ZC3H14: variants seen among roughly 807,000 people sequenced by gnomAD.
ZC3H14 encodes the protein zinc finger CCCH domain-containing protein 14.
A neutral mutation model predicts 92.4 loss-of-function variants in ZC3H14; 31 were observed. The observed-to-expected ratio is 0.34, with a 90% CI of 0.25 to 0.45. The LOEUF is 0.45. Among genes scored for constraint, ZC3H14 ranks in the 20% least tolerant of loss-of-function variants. The pLI, the probability that ZC3H14 is intolerant of heterozygous loss-of-function variation, is 1.00. For missense variants in ZC3H14, 781 were observed against 897.3 expected, an observed-to-expected ratio of 0.87 and a Z score of 1.66; for synonymous variants, 321 against 300.9, an observed-to-expected ratio of 1.07 and a Z score of -0.69.
At chr14:88,566,658 G>A (rs1438355570) in intron 2 of ZC3H14, among the ~76,000 whole-genome samples, 25 of 152,208 alleles carry the variant, frequency 1.6e-4, no homozygotes, top group Admixed American at 1.3e-3. Context: ...GGTGGTTCAC[G>A]CCTGTAATCA....
At chr14:88,607,481 A>G (rs2140118249) in intron 13 of ZC3H14, 118 bp downstream of exon 13, 2 of 934,290 alleles carry the variant, frequency 2.1e-6, no homozygotes, top group Non-Finnish European at 3.2e-6. Context: ...AGCAAGTACC[A>G]TCCCCCACAT....
rs144400343 is a variant in ZC3H14 at position 88,596,443 on chromosome 14, G to A, written c.1280-291G>A. Among the ~76,000 whole-genome samples the A allele has an allele frequency of 4.5e-3, 690 of 152,202 alleles. 2 individuals are homozygous for A. The highest frequency in any genetic ancestry group is 7.8e-3 in the Non-Finnish European group (529 of 68,008). ...GTGCCTTTTCCTGGATTTTCCACCC[G>A]TTTGCCACCTTTACTTTCCCCGCAG... On this transcript the variant is annotated intron_variant, in intron 9 of 16. Coordinates refer to ENST00000251038, the MANE Select transcript of ZC3H14 (RefSeq NM_024824.5).
rs935318375 is a variant in ZC3H14, at chr14:88,615,342, T to C, written c.*3591T>C. 1.3e-5 allele frequency: 2 copies of C among 152,660 alleles called. No homozygotes were observed. The highest frequency in any genetic ancestry group is 4.8e-5 in the African/African-American group (2 of 41,466). The allele number at this position is 152,660 out of a possible 1,614,324, so 9.5% of individuals were successfully genotyped here. A position where few individuals can be genotyped will look rare whatever the true frequency, so the allele number is the denominator to read the frequency against. ...TTGCCTTTTAAAAACTGTGATCCTTTAGGATGATCATGACTTTCCCTTTCC... is the reference window on the plus strand; with the variant it reads ...TTGCCTTTTAAAAACTGTGATCCTTCAGGATGATCATGACTTTCCCTTTCC... On this transcript the variant is annotated 3_prime_UTR_variant, in exon 17 of 17. Transcript: ENST00000251038.
chr14:88,588,065 T>G (rs979935950), intron 9 of ZC3H14, among the ~76,000 whole-genome samples: 4 of 152,168 alleles, frequency 2.6e-5, no homozygotes, highest in African/African-American at 9.7e-5. Flanking sequence ...TCCCTTAGGT[T>G]CTTCTTTTTT....
At position 88,613,555 on chromosome 14, in the gene ZC3H14, A is replaced by C. The variant is rs988876156; in HGVS notation, c.*1804A>C. 1 of 152,136 alleles carries C rather than the reference A, an allele frequency of 6.6e-6. No individual in the cohort carries two copies. The highest frequency in any genetic ancestry group is 2.4e-5 in the African/African-American group (1 of 41,426). 9.4% of individuals were successfully genotyped at this position (152,136 alleles called of 1,614,324 possible). ...GCCACTGCCCAGACACATATTTAAG[A>C]GTTTAATCTTTCAGTTGCTATGGCT... On this transcript the variant is annotated 3_prime_UTR_variant, in exon 17 of 17. Coordinates refer to ENST00000251038, the MANE Select transcript of ZC3H14 (RefSeq NM_024824.5).
At chr14:88,589,696 C>CT (rs1324814351) in intron 9 of ZC3H14, 1 of 152,354 alleles carries the variant, frequency 6.6e-6, no homozygotes, top group Non-Finnish European at 1.5e-5. Flanking sequence ...TGTTGCCATT[C>CT]TTTTTTTCTC....
chr14:88,577,061 C>CT (rs1249586374), intron 8 of ZC3H14, among the ~76,000 whole-genome samples: 1 of 152,102 alleles, frequency 6.6e-6, no homozygotes, highest in Non-Finnish European at 1.5e-5. Context: ...TCCCAAAATG[C>CT]TGGGATTACA....
intron 6 of ZC3H14, chr14:88,574,436 G>T (rs184499138): frequency 4.0e-4 from 163 of 404,380 alleles, no homozygotes; most frequent in Non-Finnish European, 6.8e-4. Flanking sequence ...ATAGAGACAG[G>T]GTTTCACCAT....
chr14:88,606,715 TC>T (rs2085461032), intron 12 of ZC3H14, among the ~76,000 whole-genome samples: 1 of 129,898 alleles, frequency 7.7e-6, no homozygotes, highest in Non-Finnish European at 1.5e-5. Context: ...ACCACTGTAC[TC>T]CATCCTGGGT....
rs541955160 is a variant in ZC3H14, at chr14:88,627,576, T to C, written c.*15825T>C. The stretch of plus-strand genomic sequence containing the variant: ...TCAACCACCAACTTTAAGACAAATA[T>C]TAAATACAGAATTCCTACTACCTTT... On this transcript the variant is annotated 3_prime_UTR_variant, in exon 17 of 17. Coordinates refer to ENST00000251038, the MANE Select transcript of ZC3H14 (RefSeq NM_024824.5). The C allele has an allele frequency of 2.7e-5, 40 of 1,455,478 alleles. No individual in the cohort carries two copies. The East Asian group carries it at 8.8e-4, about 32-fold the overall frequency. 90.2% of individuals were successfully genotyped at this position (1,455,478 alleles called of 1,614,324 possible).
chr14:88,574,663 T>G lies in ZC3H14; in HGVS notation c.862-30T>G, dbSNP rs375584117. The G allele has an allele frequency of 1.8e-4, 293 of 1,613,580 alleles. 1 individual carries two copies. The highest frequency in any genetic ancestry group is 2.4e-4 in the Non-Finnish European group (284 of 1,179,712). On this transcript the variant is annotated intron_variant, in intron 6 of 16. Transcript: ENST00000251038. ...TAGAACTCTTGTTATTTTCTGAGATTAGGTAAGCATAAATTTTATCTGATT... is the reference window on the plus strand; with the variant it reads ...TAGAACTCTTGTTATTTTCTGAGATGAGGTAAGCATAAATTTTATCTGATT...
chr14:88,620,787 T>C lies in ZC3H14; in HGVS notation c.*9036T>C. 1 of 1,606,022 alleles carries C rather than the reference T, an allele frequency of 6.2e-7. No homozygotes were observed. Among genetic ancestry groups the C allele is most frequent in the African/African-American group, 1.3e-5 (1 of 74,500 alleles). On this transcript the variant is annotated 3_prime_UTR_variant, in exon 17 of 17. Transcript: ENST00000251038. The surrounding 1 kb of genome is among the most constrained non-coding windows in gnomAD (Gnocchi z 4.3). ...ATGGATTGCACATCTCCTGTCTCTCTTCTTTCCCCATATTTTTAGAGAACT... is the reference window on the plus strand; with the variant it reads ...ATGGATTGCACATCTCCTGTCTCTCCTCTTTCCCCATATTTTTAGAGAACT...
In ZC3H14 at chr14:88,622,757, G is replaced by A; in HGVS notation, c.*11006G>A. On this transcript the variant is annotated 3_prime_UTR_variant, in exon 17 of 17. Coordinates refer to ENST00000251038, the MANE Select transcript of ZC3H14 (RefSeq NM_024824.5). ...CAAGCCAGAGTAAGTGTTCATTATT[G>A]GCTACTATAATTTTTATTATAAACA... is the stretch of plus-strand genomic sequence containing the variant. 7.0e-7 allele frequency: 1 copy of A among 1,425,018 alleles called. No homozygotes were observed. The highest frequency in any genetic ancestry group is 9.5e-7 in the Non-Finnish European group (1 of 1,051,378). 88.3% of individuals were successfully genotyped at this position (1,425,018 alleles called of 1,614,324 possible).
At chr14:88,607,586 C>T (rs1381321151) in intron 13 of ZC3H14, among the ~76,000 whole-genome samples, 3 of 140,056 alleles carry the variant, frequency 2.1e-5, no homozygotes, top group Non-Finnish European at 3.1e-5. Context: ...CTGCAAGTAC[C>T]ATCTCCCCAT....
In ZC3H14 at chr14:88,626,828, A is replaced by G. The variant is rs2090004175; in HGVS notation, c.*15077A>G. 1.9e-6 allele frequency: 3 copies of G among 1,613,214 alleles called. No individual in the cohort carries two copies. The highest frequency in any genetic ancestry group is 1.7e-5 in the Admixed American group (1 of 59,954). On this transcript the variant is annotated 3_prime_UTR_variant, in exon 17 of 17. Coordinates refer to ENST00000251038, the MANE Select transcript of ZC3H14 (RefSeq NM_024824.5). The stretch of plus-strand genomic sequence containing the variant: ...TCAAAGTCACACTATGTGCATTTTA[A>G]GAGACATACTGCACCAAATGCAATA...
intron 16 of ZC3H14, 104 bp from the exon 17 acceptor site, chr14:88,611,641 C>T: frequency 1.8e-5 from 24 of 1,351,350 alleles, no homozygotes; most frequent in South Asian, 3.9e-5. Flanking sequence ...ATCTTATGAC[C>T]AAATATTTAT....
chr14:88,574,934 A>C, intron 7 of ZC3H14, 81 bp downstream of exon 7: 1 of 1,600,360 alleles, frequency 6.2e-7, no homozygotes, highest in Non-Finnish European at 8.5e-7. Context: ...TAATCACGAA[A>C]ATAATTTTTG....
rs1362495126 is a variant in ZC3H14 at position 88,621,737 on chromosome 14, C to A, written c.*9986C>A. 1 of 343,618 alleles carries A rather than the reference C, an allele frequency of 2.9e-6. No individual in the cohort carries two copies. The highest frequency in any genetic ancestry group is 2.4e-5 in the South Asian group (1 of 41,814). The allele number at this position is 343,618 out of a possible 1,614,324, so 21.3% of individuals were successfully genotyped here. On this transcript the variant is annotated 3_prime_UTR_variant, in exon 17 of 17. Coordinates refer to ENST00000251038, the MANE Select transcript of ZC3H14 (RefSeq NM_024824.5). ...GATTTATAAATACACTTAATAAGTA[C>A]AAACACGCTCAAAAATTTTCATAGG...
chr14:88,597,572 CT>C (rs2084015380), intron 10 of ZC3H14, among the ~76,000 whole-genome samples: 1 of 152,186 alleles, frequency 6.6e-6, no homozygotes, highest in Non-Finnish European at 1.5e-5. Flanking sequence ...AGAAAGTGTG[CT>C]TTTCCTCCCT....
Sources: allele counts gnomAD v4.1 joint callset (sites outside exome capture counted in the v4.1 genomes callset), GRCh38; gene constraint gnomAD v4.1.1; non-coding constraint Gnocchi (gnomAD v3.1); transcripts MANE v1.5; gene names NCBI Gene and HGNC (gene_info 2026-07-23, HGNC 2026-07-21).